SETBP1: variants seen among roughly 807,000 people sequenced by gnomAD.
SETBP1 encodes the protein SET binding protein 1.
In SETBP1, 9 loss-of-function variants were observed where a neutral mutation model predicts 101.0. The observed-to-expected ratio is 0.09, with a 90% confidence interval of 0.05 to 0.16. SETBP1 has a LOEUF of 0.16. SETBP1 is among the 10% of genes least tolerant of loss of function. SETBP1 has a pLI of 1.00. For synonymous variants in SETBP1, 818 were observed against 788.5 expected (o/e 1.04, Z -0.63); for missense variants, 1,858 against 2,033.8 (o/e 0.91, Z 1.66).
intron 3 of SETBP1, among the ~76,000 whole-genome samples, chr18:44,907,762 T>C (rs762966227): frequency 2.6e-5 from 4 of 152,190 alleles, no homozygotes; most frequent in East Asian, 1.9e-4. Flanking sequence ...TTATCAGATA[T>C]GTGACTTGCA....
At chr18:45,059,260 T>C (rs1418902070) in intron 5 of SETBP1, among the ~76,000 whole-genome samples, 4 of 152,226 alleles carry the variant, frequency 2.6e-5, no homozygotes, top group Non-Finnish European at 4.4e-5. Flanking sequence ...GATGATAGTA[T>C]GTGATTTCAT....
At chr18:45,014,887 G>C (rs2072910570) in intron 4 of SETBP1, among the ~76,000 whole-genome samples, 2 of 152,226 alleles carry the variant, frequency 1.3e-5, no homozygotes, top group South Asian at 4.1e-4. Flanking sequence ...CTTAGAGAGT[G>C]CCTTAGCATG....
At chr18:44,730,632 G>C (rs1449297379) in intron 2 of SETBP1, among the ~76,000 whole-genome samples, 1 of 152,122 alleles carries the variant, frequency 6.6e-6, no homozygotes, top group African/African-American at 2.4e-5. Flanking sequence ...TCCCTGTTGT[G>C]CCTGTCCTCT....
chr18:44,869,343 G>A, intron 3 of SETBP1, 60 bp downstream of exon 3: 3 of 1,493,250 alleles, frequency 2.0e-6, no homozygotes, highest in Non-Finnish European at 2.8e-6. Flanking sequence ...GAGTTTGGTT[G>A]TCAACAAGCA....
intron 4 of SETBP1, among the ~76,000 whole-genome samples, chr18:44,957,612 C>T (rs986275453): frequency 1.3e-5 from 2 of 152,118 alleles, no homozygotes; most frequent in African/African-American, 4.8e-5. Flanking sequence ...TTCTTTCTTG[C>T]CCTTTGCCAA....
At chr18:44,807,604 C>T (rs1386555889) in intron 2 of SETBP1, among the ~76,000 whole-genome samples, 5 of 152,194 alleles carry the variant, frequency 3.3e-5, no homozygotes, top group Admixed American at 6.5e-5. Flanking sequence ...CAGTCAACAT[C>T]TTACCAATTT....
chr18:45,022,829 CA>C (rs1568033761), intron 4 of SETBP1, among the ~76,000 whole-genome samples: 1 of 152,134 alleles, frequency 6.6e-6, no homozygotes, highest in Non-Finnish European at 1.5e-5. Flanking sequence ...GACTCCATCT[CA>C]AAAAATAAAA....
At position 45,049,048 on chromosome 18, in the gene SETBP1, T is replaced by A. The variant is rs1051763594; in HGVS notation, c.4171+10393T>A. On this transcript the variant is annotated intron_variant, in intron 5 of 5. Coordinates refer to ENST00000649279, the MANE Select transcript of SETBP1 (RefSeq NM_015559.3). ...GCCCCAGAGGAGCTTTAACACTACG[T>A]GGGAAGGCCTGCCTCCAAAACATGA... 2.0e-5 allele frequency among the ~76,000 whole-genome samples: 3 copies of A among 147,622 alleles called. No individual in the cohort carries two copies. In the East Asian group the frequency reaches 6.0e-4, roughly 29 times the overall value.
At chr18:44,754,108 T>C (rs1036645577) in intron 2 of SETBP1, among the ~76,000 whole-genome samples, 2 of 152,248 alleles carry the variant, frequency 1.3e-5, no homozygotes, top group Admixed American at 1.3e-4. Flanking sequence ...ATGAGACAGC[T>C]TCCCCAGTAT....
intron 2 of SETBP1, among the ~76,000 whole-genome samples, chr18:44,833,919 G>A (rs1258318609): frequency 6.6e-6 from 1 of 152,252 alleles, no homozygotes; most frequent in Non-Finnish European, 1.5e-5. Flanking sequence ...GGTGAGGCCT[G>A]CAAGGCATGG....
intron 4 of SETBP1, among the ~76,000 whole-genome samples, chr18:45,011,153 T>A (rs1056566158): frequency 2.0e-5 from 3 of 152,200 alleles, no homozygotes; most frequent in African/African-American, 7.2e-5. Flanking sequence ...AAATGATGAT[T>A]CTGATTTGCT....
intron 4 of SETBP1, chr18:44,970,208 C>G (rs1279279503): frequency 6.5e-6 from 1 of 154,594 alleles, no homozygotes; most frequent in Non-Finnish European, 1.5e-5. Context: ...TGAGTTATCA[C>G]CGAAAGGAAA....
At chr18:45,045,124 A>G (rs904147911) in intron 5 of SETBP1, among the ~76,000 whole-genome samples, 1 of 152,066 alleles carries the variant, frequency 6.6e-6, no homozygotes, top group African/African-American at 2.4e-5. Context: ...TTTACTAAAA[A>G]AAAAAATAAA....
At chr18:44,722,711 G>A (rs546006822) in intron 2 of SETBP1, among the ~76,000 whole-genome samples, 78 of 152,308 alleles carry the variant, frequency 5.1e-4, no homozygotes, top group South Asian at 1.2e-3. Context: ...TGGTTATTGG[G>A]TTCTGATGGT....
intron 3 of SETBP1, chr18:44,871,261 T>C (rs1006543229): frequency 2.6e-5 from 4 of 152,158 alleles, no homozygotes; most frequent in Admixed American, 1.3e-4. Flanking sequence ...TTGGGTGCTT[T>C]TTAAAACAGA....
rs1429070127 is a variant in SETBP1 at position 45,063,394 on chromosome 18, T to C, written c.4487T>C (p.Leu1496Pro). 2 of 1,546,058 alleles carry C rather than the reference T, an allele frequency of 1.3e-6. No individual in the cohort carries two copies. Among genetic ancestry groups the C allele is most frequent in the Non-Finnish European group, 1.7e-6 (2 of 1,146,246 alleles). The change falls in exon 6 of 6, where the codon CTG (leucine) becomes CCG (proline). Residue 1496 changes from leucine to proline, a missense_variant. By Grantham distance (98) the Leu-to-Pro change is moderately conservative (BLOSUM62 -3). Around this residue, in one of 12 missense-constraint regions of SETBP1, gnomAD observed 178 missense variants for 189.1 expected, o/e 0.94. Transcript: ENST00000649279. ...AAGCCCAGCCTGAGCCCGCTGGTGC[T>C]GGAGCCCGCCGCCAGCCAAGACACC... is the stretch of plus-strand genomic sequence containing the variant. ...GQKPSLSPLV[L>P]EPAASQDTIM...
chr18:44,702,872 G>A (rs771978128), intron 2 of SETBP1, among the ~76,000 whole-genome samples: 10 of 152,122 alleles, frequency 6.6e-5, no homozygotes, highest in African/African-American at 2.2e-4. Flanking sequence ...AACACATCAC[G>A]GACTTTTAAG....
At chr18:45,028,880 T>C (rs1020299165) in intron 4 of SETBP1, among the ~76,000 whole-genome samples, 7 of 152,238 alleles carry the variant, frequency 4.6e-5, no homozygotes, top group Admixed American at 1.3e-4. Flanking sequence ...CTTGTAAATT[T>C]GTTTGAGTTC....
rs1053874317 is a variant in SETBP1, at chr18:44,750,123, TAGG to T, written c.486+48294_486+48296del. Among the ~76,000 whole-genome samples, 70 of 152,214 alleles carry T rather than the reference TAGG, an allele frequency of 4.6e-4. 1 individual carries two copies. The highest frequency in any genetic ancestry group is 4.4e-3 in the Admixed American group (68 of 15,284). ...GACTTCGGAGAAACTGGTTTATTGATAGGAGAAGTAAAATACTGGTGTATTAGT... is the reference window on the plus strand; with the variant it reads ...GACTTCGGAGAAACTGGTTTATTGATAGAAGTAAAATACTGGTGTATTAGT... On this transcript the variant is annotated intron_variant, in intron 2 of 5. Transcript: ENST00000649279.
Sources: gnomAD v4.1 joint callset for allele counts (sites outside exome capture counted in the v4.1 genomes callset) on GRCh38, gnomAD v4.1.1 for gene constraint, gnomAD v4.1.1 regional missense constraint, MANE v1.5 for transcripts, NCBI Gene and HGNC (gene_info 2026-07-23, HGNC 2026-07-21) for gene names.